AGRN: variants seen among roughly 807,000 people sequenced by gnomAD.
AGRN encodes agrin.
Under a neutral mutation model 211.0 loss-of-function variants are expected in AGRN, and 106 were observed. The ratio of observed to expected loss-of-function variants is 0.50; its 90% confidence interval spans 0.43 to 0.59. The LOEUF is 0.59. Among genes scored for constraint, AGRN ranks in the 20% least tolerant of loss-of-function variants. AGRN has a pLI of 0.00. For missense variants in AGRN, 3,040 were observed against 2,982.6 expected, an observed-to-expected ratio of 1.02 and a Z score of -0.45; for synonymous variants, 1,525 against 1,332.5, an observed-to-expected ratio of 1.14 and a Z score of -3.15.
chr1:1,021,305 C>T (rs902683529), intron 1 of AGRN, among the ~76,000 whole-genome samples: 3 of 152,182 alleles, frequency 2.0e-5, no homozygotes, highest in Non-Finnish European at 4.4e-5. Context: ...TGGGGGAAGG[C>T]GATGAAAGCC....
At chr1:1,020,813 C>A (rs1369599279) in intron 1 of AGRN, among the ~76,000 whole-genome samples, 1 of 127,838 alleles carries the variant, frequency 7.8e-6, no homozygotes, top group Non-Finnish European at 1.7e-5. Context: ...GAGCTCCCAA[C>A]CCCGGGAGCC....
At position 1,045,476 on chromosome 1, in the gene AGRN, T is replaced by C; in HGVS notation, c.2489T>C (p.Phe830Ser). Reference sequence around the variant, plus strand: ...AGGTGTGACCGCTGTGAGCCTGGCTTCTGGAACTTTCGAGGCATCGTCACC... The same window carrying C: ...AGGTGTGACCGCTGTGAGCCTGGCTCCTGGAACTTTCGAGGCATCGTCACC... ...GLRCDRCEPG[F>S]WNFRGIVTDG... Residue 830 changes from phenylalanine to serine, a missense_variant, in exon 14 of 36, where the codon TTC (phenylalanine) becomes TCC (serine). Coordinates refer to ENST00000379370, the MANE Select transcript of AGRN (RefSeq NM_198576.4). 1 of 1,612,916 alleles carries C rather than the reference T, an allele frequency of 6.2e-7. No homozygotes were observed. Among genetic ancestry groups the C allele is most frequent in the Non-Finnish European group, 8.5e-7 (1 of 1,179,954 alleles).
Position 1,044,350 on chromosome 1 carries a change from G to C in AGRN, c.2165G>C (p.Gly722Ala), listed in dbSNP as rs1645032430. The change falls in exon 12 of 36, where the codon GGG becomes GCG. Residue 722 changes from glycine (G) to alanine (A), a missense_variant. By Grantham distance (60) the Gly-to-Ala change is moderately conservative. This residue lies in a region of AGRN where 1,498 missense variants were observed against 1,457.8 expected (regional missense o/e 1.03). Coordinates refer to ENST00000379370, the MANE Select transcript of AGRN (RefSeq NM_198576.4). ...VPGSPVCGSDGVTYSTECELK... is the reference protein window; with the variant it reads ...VPGSPVCGSDAVTYSTECELK... ...ACCCTCCAGGTGTGCGGCTCAGATG[G>C]GGTCACCTACAGCACCGAGTGTGAG... is the stretch of plus-strand genomic sequence containing the variant. 1 of 1,612,760 alleles carries C rather than the reference G, an allele frequency of 6.2e-7. No homozygotes were observed. Among genetic ancestry groups the C allele is most frequent in the Non-Finnish European group, 8.5e-7 (1 of 1,179,842 alleles).
chr1:1,030,767 ATGTGTGTG>A (rs142523522), intron 2 of AGRN, among the ~76,000 whole-genome samples: 2 of 40,670 alleles, frequency 4.9e-5, no homozygotes, highest in African/African-American at 1.3e-4. Context: ...TGAGATCAGC[ATGTGTGTG>A]TGTGTGTGTG....
At position 1,048,081 on chromosome 1, in the gene AGRN, C is replaced by A. The variant is rs1645153244; in HGVS notation, c.3821C>A (p.Thr1274Asn). 6.3e-7 allele frequency: 1 copy of A among 1,580,850 alleles called. No homozygotes were observed. The change falls in exon 23 of 36, where the codon ACC becomes AAC. Residue 1274 changes from threonine (T) to asparagine (N), a missense_variant. Thr to Asn is a moderately conservative substitution (Grantham distance 65). Coordinates refer to ENST00000379370, the MANE Select transcript of AGRN (RefSeq NM_198576.4). The surrounding 1 kb of genome is among the most constrained non-coding windows in gnomAD (Gnocchi z 5.9). ...AIAAGATARA[T>N]TASRLPSSAV... ...GCTGCGGGAGCCACGGCCAGAGCCA[C>A]CACTGCATCGCGCCTGCCGTCCTCT...
intron 17 of AGRN, 60 bp downstream of exon 17, chr1:1,046,325 C>T (rs1024003026): frequency 6.2e-7 from 1 of 1,609,042 alleles, no homozygotes; most frequent in Non-Finnish European, 8.5e-7. Flanking sequence ...TGCCCTAAAT[C>T]CAGCCCCACC....
Position 1,043,992 on chromosome 1 carries a change from C to G in AGRN, c.1968C>G (p.Ile656Met), listed in dbSNP as rs770946661. ...REAACLQQTQ[I>M]EEARAGPCEQ... Reference sequence around the variant, plus strand: ...CCGCCTGCCTCCAGCAGACACAGATCGAGGAGGCCCGGGCAGGGCCGTGCG... The same window carrying G: ...CCGCCTGCCTCCAGCAGACACAGATGGAGGAGGCCCGGGCAGGGCCGTGCG... The change falls in exon 10 of 36, where the codon ATC becomes ATG. Residue 656 changes from isoleucine (I) to methionine (M), a missense_variant. Coordinates refer to ENST00000379370, the MANE Select transcript of AGRN (RefSeq NM_198576.4). 3.7e-6 allele frequency: 6 copies of G among 1,606,602 alleles called. No individual in the cohort carries two copies. Among genetic ancestry groups the G allele is most frequent in the South Asian group, 2.2e-5 (2 of 90,826 alleles).
chr1:1,025,106 G>A (rs1001507548), intron 2 of AGRN, among the ~76,000 whole-genome samples: 39 of 152,234 alleles, frequency 2.6e-4, no homozygotes, highest in African/African-American at 7.9e-4. Flanking sequence ...CGGCCAGGCC[G>A]CCCGGGGCCC....
intron 3 of AGRN, among the ~76,000 whole-genome samples, chr1:1,037,101 C>CTT (rs1644820544): frequency 6.6e-6 from 1 of 152,156 alleles, no homozygotes; most frequent in Non-Finnish European, 1.5e-5. Flanking sequence ...CCTGAACCCT[C>CTT]CCAGTGGGCT....
intron 35 of AGRN, 116 bp from the exon 36 acceptor site, chr1:1,054,708 T>C: frequency 1.3e-6 from 2 of 1,490,064 alleles, no homozygotes; most frequent in Non-Finnish European, 1.8e-6. Context: ...TTCCCAGTGC[T>C]GTGGGGCCGG....
rs754860745 is a variant in AGRN, at chr1:1,041,688, A to G, written c.1163A>G (p.Gln388Arg). The G allele has an allele frequency of 1.9e-6, 3 of 1,609,248 alleles. No homozygotes were observed. Among genetic ancestry groups the G allele is most frequent in the African/African-American group, 2.7e-5 (2 of 74,652 alleles). ...CTCCTGCAGAAAGTGCGCTCCGGCCAGTGCCAGGGTCGAGGTGAGCGGCTC... is the reference window on the plus strand; with the variant it reads ...CTCCTGCAGAAAGTGCGCTCCGGCCGGTGCCAGGGTCGAGGTGAGCGGCTC... ...GLLLQKVRSG[Q>R]CQGRDQCPEP... The change falls in exon 6 of 36, where the codon CAG (glutamine) becomes CGG (arginine). Residue 388 changes from glutamine to arginine, a missense_variant. Physicochemically the swap from Gln to Arg is conservative, Grantham distance 43. Around this residue, in one of 3 missense-constraint regions of AGRN, gnomAD observed 1,498 missense variants for 1,457.8 expected, o/e 1.03. Coordinates refer to ENST00000379370, the MANE Select transcript of AGRN (RefSeq NM_198576.4).
At chr1:1,023,166 G>T (rs558027218) in intron 2 of AGRN, among the ~76,000 whole-genome samples, 3 of 152,172 alleles carry the variant, frequency 2.0e-5, no homozygotes, top group Admixed American at 2.0e-4. Context: ...ATGTGTCGGT[G>T]GGGGGGTCTG....
intron 2 of AGRN, among the ~76,000 whole-genome samples, chr1:1,033,907 T>G (rs975928274): frequency 6.6e-6 from 1 of 150,596 alleles, no homozygotes; most frequent in Admixed American, 6.6e-5. Context: ...CCCGATCCTC[T>G]GGAACTCCCC....
chr1:1,047,301 A>C (rs1645126012), intron 19 of AGRN, 26 bp from the exon 20 acceptor site: 1 of 1,576,934 alleles, frequency 6.3e-7, no homozygotes, highest in Non-Finnish European at 8.6e-7. Flanking sequence ...GATGCCAGGC[A>C]GGGCCTCACT....
chr1:1,020,367 C>G lies in AGRN; in HGVS notation c.195C>G (p.Ser65=). ...TGGACCCGGTGCAGCACACGTACTC[C>G]TGCAAGGTGCGCCCACCCGGACCCC... is the stretch of plus-strand genomic sequence containing the variant. ...LNVDPVQHTY[S]CKVRVWRYLK... is the part of the protein sequence containing the mutation. The change falls in exon 1 of 36, where the codon TCC becomes TCG. Residue 65 remains serine (S), a synonymous_variant. Coordinates refer to ENST00000379370, the MANE Select transcript of AGRN (RefSeq NM_198576.4). 6.7e-7 allele frequency: 1 copy of G among 1,497,866 alleles called. No homozygotes were observed. Among genetic ancestry groups the G allele is most frequent in the Non-Finnish European group, 8.9e-7 (1 of 1,122,358 alleles). 92.8% of individuals were successfully genotyped at this position (1,497,866 alleles called of 1,614,324 possible). A position where few individuals can be genotyped will look rare whatever the true frequency, so the allele number is the denominator to read the frequency against.
chr1:1,044,186 A>G lies in AGRN; in HGVS notation c.2077A>G (p.Ile693Val). ...GGAGCTGTGCCGGCAGCGCGGTGGC[A>G]TCTGGGACGAGGACTCGGAGGACGG... ...EQELCRQRGGIWDEDSEDGPC... is the reference protein window; with the variant it reads ...EQELCRQRGGVWDEDSEDGPC... The change falls in exon 11 of 36, where the codon ATC becomes GTC. Residue 693 changes from isoleucine (I) to valine (V), a missense_variant. Transcript: ENST00000379370. The G allele has an allele frequency of 6.2e-7, 1 of 1,613,124 alleles. No individual in the cohort carries two copies. The highest frequency in any genetic ancestry group is 1.1e-5 in the South Asian group (1 of 91,078).
At position 1,031,401 on chromosome 1, in the gene AGRN, C is replaced by T. The variant is rs1314974165; in HGVS notation, c.464-3876C>T. Among the ~76,000 whole-genome samples the T allele has an allele frequency of 6.6e-6, 1 of 152,162 alleles. No homozygotes were observed. The highest frequency in any genetic ancestry group is 1.5e-5 in the Non-Finnish European group (1 of 68,012). ...GCTGGTCAGGGCTGAATGATTTTGTCTGAAGATCCCAAAATAGCTCATGTC... is the reference window on the plus strand; with the variant it reads ...GCTGGTCAGGGCTGAATGATTTTGTTTGAAGATCCCAAAATAGCTCATGTC... On this transcript the variant is annotated intron_variant, in intron 2 of 35. Transcript: ENST00000379370. The surrounding 1 kb of genome is among the most constrained non-coding windows in gnomAD (Gnocchi z 4.8).
At chr1:1,040,521 C>A in intron 3 of AGRN, 144 bp from the exon 4 acceptor site, 1 of 997,436 alleles carries the variant, frequency 1.0e-6, no homozygotes, top group Non-Finnish European at 1.5e-6. Flanking sequence ...AGCGCACGCA[C>A]GCGTGTCCGT....
Position 1,049,596 on chromosome 1 carries a change from C to T in AGRN, c.4545C>T (p.Gly1515=). 2 of 1,591,040 alleles carry T rather than the reference C, an allele frequency of 1.3e-6. No individual in the cohort carries two copies. The highest frequency in any genetic ancestry group is 1.7e-6 in the Non-Finnish European group (2 of 1,169,912). Residue 1515 remains glycine, a synonymous_variant, in exon 26 of 36, where the codon GGC becomes GGT. Coordinates refer to ENST00000379370, the MANE Select transcript of AGRN (RefSeq NM_198576.4). The part of the protein sequence containing the change: ...VALERTFVGA[G]LRGCIRLLDV... The stretch of plus-strand genomic sequence containing the variant: ...TGGAGCGGACCTTCGTGGGCGCCGG[C>T]CTGAGGGGGTGCATCCGTTTGCTGG...
Sources: gnomAD v4.1 joint callset for allele counts (sites outside exome capture counted in the v4.1 genomes callset) on GRCh38, gnomAD v4.1.1 for gene constraint, gnomAD v4.1.1 regional missense constraint, Gnocchi (gnomAD v3.1) non-coding constraint, MANE v1.5 for transcripts, NCBI Gene and HGNC (gene_info 2026-07-23, HGNC 2026-07-21) for gene names.